NXPE4: variants seen among roughly 807,000 people sequenced by gnomAD.
NXPE4 encodes the protein NXPE family member 4.
In NXPE4, 42 loss-of-function variants were observed where a neutral mutation model predicts 33.3. That is an observed-to-expected ratio of 1.26 (90% CI 0.98 to 1.63). The LOEUF is 1.63. NXPE4 is among the 40% of genes most tolerant of loss of function. The pLI is 0.00. For synonymous variants in NXPE4, 253 were observed against 234.9 expected, an observed-to-expected ratio of 1.08 and a Z score of -0.71; for missense variants, 709 against 647.6, an observed-to-expected ratio of 1.09 and a Z score of -1.03.
the NXPE4 span, among the ~76,000 whole-genome samples, chr11:114,626,462 G>T: frequency 6.6e-6 from 1 of 152,092 alleles, no homozygotes; most frequent in Non-Finnish European, 1.5e-5. Flanking sequence ...TGCAGCTGAC[G>T]GTCCTGTCTG....
At chr11:114,660,774 G>T in the NXPE4 span, among the ~76,000 whole-genome samples, 14 of 151,842 alleles carry the variant, frequency 9.2e-5, no homozygotes, top group African/African-American at 2.9e-4. Flanking sequence ...AAAATAAAAG[G>T]CATACCATTT....
intron 2 of NXPE4, among the ~76,000 whole-genome samples, chr11:114,590,804 C>T (rs1949432000): frequency 6.6e-6 from 1 of 152,126 alleles, no homozygotes; most frequent in Non-Finnish European, 1.5e-5. Context: ...ATCAAATTAA[C>T]CCTGGGAAAT....
At chr11:114,586,729 A>T (rs1190528498) in intron 2 of NXPE4, among the ~76,000 whole-genome samples, 1 of 152,162 alleles carries the variant, frequency 6.6e-6, no homozygotes, top group Non-Finnish European at 1.5e-5. Context: ...CAACAGCCTG[A>T]TGGGTGATGG....
At chr11:114,613,032 A>T in the NXPE4 span, among the ~76,000 whole-genome samples, 1 of 151,962 alleles carries the variant, frequency 6.6e-6, no homozygotes, top group East Asian at 1.9e-4. Context: ...AACCACTGTT[A>T]CCTGGTGGAT....
rs1517683 is a variant in NXPE4, at chr11:114,570,605, T to A, written c.*333A>T. ...ACAAACAGGACTGCTTTCTCCAAAT[T>A]TTTATTTTAAAATTACTTTATCACT... On this transcript the variant is annotated 3_prime_UTR_variant, in exon 6 of 6. Transcript: ENST00000375478. 34,428 of 173,010 alleles carry A rather than the reference T, an allele frequency of 0.2. 4,564 individuals carry two copies. Among genetic ancestry groups the A allele is most frequent in the African/African-American group, 0.38 (15,811 of 41,974 alleles). 10.7% of individuals were successfully genotyped at this position (173,010 alleles called of 1,614,324 possible).
At position 114,571,167 on chromosome 11, in the gene NXPE4, A is replaced by G. The variant is rs201711836; in HGVS notation, c.1406T>C (p.Met469Thr). The G allele has an allele frequency of 5.2e-5, 84 of 1,613,912 alleles. No homozygotes were observed. Among genetic ancestry groups the G allele is most frequent in the Non-Finnish European group, 6.4e-5 (75 of 1,179,960 alleles). Residue 469 changes from methionine to threonine, a missense_variant, in exon 6 of 6, where the codon ATG becomes ACG. By Grantham distance (81) the Met-to-Thr change is moderately conservative. Transcript: ENST00000375478. Reference protein sequence around the residue: ...QHLLLRSPDTMVIIKTENIRE... With the variant: ...QHLLLRSPDTTVIIKTENIRE... ...GATGTTTTCTGTTTTGATGATAACC[A>G]TAGTGTCTGGGCTTCTCAGAAGAAG...
the NXPE4 span, among the ~76,000 whole-genome samples, chr11:114,654,602 T>C: frequency 6.6e-6 from 1 of 152,168 alleles, no homozygotes; most frequent in Non-Finnish European, 1.5e-5. Context: ...GTTAGTTTGC[T>C]GAGGATGATG....
chr11:114,653,939 G>A, the NXPE4 span, among the ~76,000 whole-genome samples: 1 of 152,106 alleles, frequency 6.6e-6, no homozygotes, highest in African/African-American at 2.4e-5. Flanking sequence ...ATGATGTCTT[G>A]AAACATGAGT....
the NXPE4 span, among the ~76,000 whole-genome samples, chr11:114,609,144 G>A: frequency 4.0e-5 from 6 of 151,644 alleles, no homozygotes; most frequent in East Asian, 1.9e-4. Context: ...GTATTGCCTC[G>A]TGGGTAACCA....
At chr11:114,660,748 G>A in the NXPE4 span, among the ~76,000 whole-genome samples, 2,173 of 151,954 alleles carry the variant, frequency 0.014, 44 homozygotes, top group African/African-American at 0.05. Context: ...TTATACTGGA[G>A]GTGTTAGAAA....
At chr11:114,583,338 C>A in intron 2 of NXPE4, 1 of 620,834 alleles carries the variant, frequency 1.6e-6, no homozygotes, top group Non-Finnish European at 3.1e-6. Flanking sequence ...CAAGCCCACC[C>A]AAGGAATCCT....
chr11:114,634,452 C>A, the NXPE4 span, among the ~76,000 whole-genome samples: 2,080 of 152,002 alleles, frequency 0.014, 38 homozygotes, highest in African/African-American at 0.047. Context: ...TGCTGTGCAG[C>A]AGCTCTTTAG....
rs556357950 is a variant in NXPE4, at chr11:114,588,722, ACT to A, written c.97-5703_97-5702del. On this transcript the variant is annotated intron_variant, in intron 2 of 5. Coordinates refer to ENST00000375478, the MANE Select transcript of NXPE4 (RefSeq NM_001077639.2). Reference sequence around the variant, plus strand: ...TGAAGAACTAAGGCCAAACCTCTTAACTACTCTAAACTGTCCATGGTAGACCA... The same window carrying A: ...TGAAGAACTAAGGCCAAACCTCTTAAACTCTAAACTGTCCATGGTAGACCA... Among the ~76,000 whole-genome samples the A allele has an allele frequency of 4.8e-3, 734 of 152,254 alleles. 26 individuals are homozygous for A. Among genetic ancestry groups the A allele is most frequent in the Non-Finnish European group, 1.2e-3 (84 of 68,014 alleles).
chr11:114,591,052 A>G (rs1290465161), intron 2 of NXPE4, among the ~76,000 whole-genome samples: 1 of 152,178 alleles, frequency 6.6e-6, no homozygotes, highest in Non-Finnish European at 1.5e-5. Context: ...GGAGGATCTC[A>G]GGGAAACTCC....
the NXPE4 span, among the ~76,000 whole-genome samples, chr11:114,601,817 A>T: frequency 2.7e-5 from 2 of 74,732 alleles, no homozygotes; most frequent in Non-Finnish European, 4.6e-5. Flanking sequence ...TTATATAATT[A>T]TATATAATAT....
the NXPE4 span, among the ~76,000 whole-genome samples, chr11:114,647,118 T>C: frequency 6.6e-6 from 1 of 152,174 alleles, no homozygotes; most frequent in East Asian, 1.9e-4. Flanking sequence ...CCCTCATAAG[T>C]TGAAATGGTA....
the NXPE4 span, among the ~76,000 whole-genome samples, chr11:114,652,088 A>G: frequency 6.6e-6 from 1 of 152,178 alleles, no homozygotes; most frequent in Non-Finnish European, 1.5e-5. Flanking sequence ...ACCAATACTT[A>G]AATTTTTTTT....
chr11:114,586,925 T>G (rs1949314185), intron 2 of NXPE4, among the ~76,000 whole-genome samples: 1 of 152,168 alleles, frequency 6.6e-6, no homozygotes, highest in South Asian at 2.1e-4. Context: ...TTGCCGTTTT[T>G]GTGATTTTCT....
the NXPE4 span, among the ~76,000 whole-genome samples, chr11:114,620,498 T>C: frequency 1.3e-5 from 2 of 151,722 alleles, no homozygotes; most frequent in Non-Finnish European, 3.0e-5. Context: ...GGATAATAAG[T>C]GTTGCCTCTA....
Sources: gnomAD v4.1 joint callset for allele counts (sites outside exome capture counted in the v4.1 genomes callset) on GRCh38, gnomAD v4.1.1 for gene constraint, MANE v1.5 for transcripts, NCBI Gene and HGNC (gene_info 2026-07-23, HGNC 2026-07-21) for gene names.